CAMK1D: variants seen among roughly 807,000 people sequenced by gnomAD.
CAMK1D encodes calcium/calmodulin-dependent protein kinase type 1D.
In CAMK1D, 9 loss-of-function variants were observed where a neutral mutation model predicts 47.7. The observed-to-expected ratio is 0.19, with a 90% CI of 0.11 to 0.33. The LOEUF (loss-of-function observed/expected upper bound fraction) is 0.33, where lower values mean the gene tolerates loss of function less well. CAMK1D is among the 10% of genes least tolerant of loss of function. The pLI, the probability that CAMK1D is intolerant of heterozygous loss-of-function variation, is 1.00. For synonymous variants in CAMK1D, 184 were observed against 184.9 expected (o/e 0.99, Z 0.04); for missense variants, 291 against 488.7 (o/e 0.60, Z 3.81).
chr10:12,647,031 T>TG (rs1839828684), intron 2 of CAMK1D, among the ~76,000 whole-genome samples: 1 of 151,516 alleles, frequency 6.6e-6, no homozygotes, highest in Admixed American at 6.6e-5. Context: ...TTAGTAGAGA[T>TG]GGGGTTTCAC....
intron 10 of CAMK1D, among the ~76,000 whole-genome samples, chr10:12,828,055 G>A (rs1195211014): frequency 6.6e-6 from 1 of 152,194 alleles, no homozygotes; most frequent in Non-Finnish European, 1.5e-5. Context: ...TAGGAAGGTA[G>A]TATCATTCTT....
intron 3 of CAMK1D, among the ~76,000 whole-genome samples, chr10:12,687,511 T>G (rs536364228): frequency 1.2e-3 from 186 of 152,322 alleles, no homozygotes; most frequent in African/African-American, 4.4e-3. Context: ...AAGTGGCTGA[T>G]GGATGGTGGT....
At chr10:12,793,937 A>G (rs1255532160) in intron 6 of CAMK1D, among the ~76,000 whole-genome samples, 1 of 152,240 alleles carries the variant, frequency 6.6e-6, no homozygotes, top group Non-Finnish European at 1.5e-5. Flanking sequence ...GCAAGAAGTA[A>G]CCTAGTGCCA....
intron 5 of CAMK1D, among the ~76,000 whole-genome samples, chr10:12,770,323 T>C (rs1211045027): frequency 6.6e-6 from 1 of 152,196 alleles, no homozygotes; most frequent in African/African-American, 2.4e-5. Flanking sequence ...CAACCCCCAA[T>C]TCTTTGTACT....
intron 1 of CAMK1D, among the ~76,000 whole-genome samples, chr10:12,551,151 C>A (rs1356715941): frequency 6.6e-6 from 1 of 152,196 alleles, no homozygotes; most frequent in Non-Finnish European, 1.5e-5. Flanking sequence ...AGCGGGCAAG[C>A]AAGCAAAGCT....
chr10:12,419,657 C>T (rs1257054698), intron 1 of CAMK1D, among the ~76,000 whole-genome samples: 2 of 152,014 alleles, frequency 1.3e-5, no homozygotes, highest in African/African-American at 2.4e-5. Flanking sequence ...CACACACACA[C>T]ACACACACAC....
At chr10:12,666,918 G>C (rs1339055941) in intron 3 of CAMK1D, 108 bp downstream of exon 3, 4 of 857,304 alleles carry the variant, frequency 4.7e-6, no homozygotes, top group Non-Finnish European at 7.7e-6. Flanking sequence ...TAAGGCAGTA[G>C]GGAGCAGGGA....
chr10:12,453,496 C>A (rs1360068797), intron 1 of CAMK1D, among the ~76,000 whole-genome samples: 3 of 152,244 alleles, frequency 2.0e-5, no homozygotes, highest in African/African-American at 7.2e-5. Flanking sequence ...CCAGAATTTT[C>A]TTCCTTTTTA....
chr10:12,357,727 CTTA>C (rs1297888163), intron 1 of CAMK1D, among the ~76,000 whole-genome samples: 3 of 152,152 alleles, frequency 2.0e-5, no homozygotes, highest in Non-Finnish European at 4.4e-5. Flanking sequence ...CAATTCCGTG[CTTA>C]TTTAGTGCAG....
In CAMK1D at chr10:12,575,374, A is replaced by T. The variant is rs185513236; in HGVS notation, c.224+22018A>T. On this transcript the variant is annotated intron_variant, in intron 2 of 10. Coordinates refer to ENST00000619168, the MANE Select transcript of CAMK1D (RefSeq NM_153498.4). ...CTAAGGTGCTGGGATTACAGGTGTGAGCCACCACACCCAGCCATCACTCCT... is the reference window on the plus strand; with the variant it reads ...CTAAGGTGCTGGGATTACAGGTGTGTGCCACCACACCCAGCCATCACTCCT... Among the ~76,000 whole-genome samples the T allele has an allele frequency of 1.4e-4, 21 of 152,314 alleles. No individual in the cohort carries two copies. In the East Asian group the frequency reaches 3.7e-3, roughly 27 times the overall value.
intron 4 of CAMK1D, among the ~76,000 whole-genome samples, chr10:12,761,929 T>C (rs1269582906): frequency 6.6e-6 from 1 of 152,198 alleles, no homozygotes; most frequent in African/African-American, 2.4e-5. Context: ...GGTTCTTTTC[T>C]TACAGTTTCC....
chr10:12,500,420 A>T (rs1319683504), intron 1 of CAMK1D, among the ~76,000 whole-genome samples: 1 of 152,184 alleles, frequency 6.6e-6, no homozygotes, highest in African/African-American at 2.4e-5. Flanking sequence ...TCAGTGAGAC[A>T]TAGCATTGCC....
chr10:12,564,597 G>T (rs886337928), intron 2 of CAMK1D, among the ~76,000 whole-genome samples: 2 of 152,274 alleles, frequency 1.3e-5, no homozygotes, highest in Middle Eastern at 3.4e-3. Flanking sequence ...TCTGAAGCCA[G>T]GTTTGGGGGA....
At chr10:12,602,950 T>A (rs1838349039) in intron 2 of CAMK1D, among the ~76,000 whole-genome samples, 1 of 133,698 alleles carries the variant, frequency 7.5e-6, no homozygotes, top group Non-Finnish European at 1.6e-5. Flanking sequence ...GCCCTGTTGC[T>A]CCCAAGCTGG....
intron 2 of CAMK1D, among the ~76,000 whole-genome samples, chr10:12,611,781 T>G (rs781341583): frequency 6.6e-6 from 1 of 151,768 alleles, no homozygotes; most frequent in Non-Finnish European, 1.5e-5. Context: ...TTAGTAGAGA[T>G]AGGGTTTCAC....
intron 1 of CAMK1D, among the ~76,000 whole-genome samples, chr10:12,532,913 TAG>T (rs1835855196): frequency 8.2e-6 from 1 of 121,224 alleles, no homozygotes; most frequent in Non-Finnish European, 1.6e-5. Context: ...CTCACGGAGA[TAG>T]AGAGTAGAAG....
At chr10:12,551,088 A>T (rs1836562547) in intron 1 of CAMK1D, among the ~76,000 whole-genome samples, 1 of 152,204 alleles carries the variant, frequency 6.6e-6, no homozygotes, top group African/African-American at 2.4e-5. Flanking sequence ...ATGGGCCAAT[A>T]CCGGTAGGGT....
intron 3 of CAMK1D, among the ~76,000 whole-genome samples, chr10:12,673,068 A>G (rs77185906): frequency 0.061 from 9,205 of 151,690 alleles, 296 homozygotes; most frequent in African/African-American, 0.08. Context: ...ATAGTTGAGT[A>G]CAGGTTTGGT....
intron 1 of CAMK1D, among the ~76,000 whole-genome samples, chr10:12,376,914 C>G (rs2131866314): frequency 6.6e-6 from 1 of 152,160 alleles, no homozygotes; most frequent in South Asian, 2.1e-4. Flanking sequence ...GCACCTGCCA[C>G]CACGCCCTGC....
Sources: allele counts gnomAD v4.1 joint callset (sites outside exome capture counted in the v4.1 genomes callset), GRCh38; gene constraint gnomAD v4.1.1; transcripts MANE v1.5; gene names NCBI Gene and HGNC (gene_info 2026-07-23, HGNC 2026-07-21).